Variants in FARS2 observed in about 807,000 individuals in gnomAD.
FARS2 encodes the protein phenylalanine--tRNA ligase, mitochondrial.
FARS2 carries 40 observed loss-of-function variants against 46.4 expected under a neutral mutation model. That is an observed-to-expected ratio of 0.86 (90% CI 0.67 to 1.12). The LOEUF (loss-of-function observed/expected upper bound fraction) is 1.12. Ranked by LOEUF, FARS2 falls within the 50% of genes most tolerant of loss-of-function variation. The pLI is 0.00. For synonymous variants in FARS2, 234 were observed against 214.9 expected, an observed-to-expected ratio of 1.09 and a Z score of -0.78; for missense variants, 513 against 567.9, an observed-to-expected ratio of 0.90 and a Z score of 0.98.
intron 3 of FARS2, among the ~76,000 whole-genome samples, chr6:5,429,651 A>C (rs574888469): frequency 6.6e-6 from 1 of 152,204 alleles, no homozygotes; most frequent in East Asian, 1.9e-4. Context: ...AAAGTAAAAA[A>C]AGTAGAGAAA....
intron 1 of FARS2, among the ~76,000 whole-genome samples, chr6:5,323,939 C>A (rs1410969806): frequency 6.6e-6 from 1 of 152,178 alleles, no homozygotes; most frequent in Non-Finnish European, 1.5e-5. Context: ...CCCAAGATAA[C>A]CTCCCTCCAG....
chr6:5,596,605 A>G (rs17140922), intron 5 of FARS2, among the ~76,000 whole-genome samples: 6,094 of 152,274 alleles, frequency 0.04, 437 homozygotes, highest in Admixed American at 0.17. Flanking sequence ...GCGACATTGC[A>G]TAGGATTTAT....
At chr6:5,441,973 A>G (rs1763867466) in intron 4 of FARS2, among the ~76,000 whole-genome samples, 1 of 152,106 alleles carries the variant, frequency 6.6e-6, no homozygotes, top group South Asian at 2.1e-4. Context: ...TTGGTGGTGC[A>G]CCTGTAGTCC....
intron 1 of FARS2, among the ~76,000 whole-genome samples, chr6:5,342,971 G>A (rs1310107128): frequency 6.6e-6 from 1 of 152,014 alleles, no homozygotes; most frequent in African/African-American, 2.4e-5. Flanking sequence ...CATTCGCTAG[G>A]TATACAGCTT....
At chr6:5,578,100 T>C (rs528757809) in intron 5 of FARS2, among the ~76,000 whole-genome samples, 3 of 152,284 alleles carry the variant, frequency 2.0e-5, no homozygotes, top group East Asian at 3.9e-4. Flanking sequence ...TCTTTTATTG[T>C]GTTCTCTTGC....
intron 1 of FARS2, among the ~76,000 whole-genome samples, chr6:5,351,064 G>A (rs949554573): frequency 4.6e-5 from 7 of 152,146 alleles, no homozygotes; most frequent in African/African-American, 1.7e-4. Context: ...AGCCATATGG[G>A]TGGTAGGATA....
At chr6:5,421,683 A>G (rs964928178) in intron 3 of FARS2, among the ~76,000 whole-genome samples, 1 of 152,302 alleles carries the variant, frequency 6.6e-6, no homozygotes, top group African/African-American at 2.4e-5. Context: ...AATCTCTAAA[A>G]CAGAGGCAAA....
chr6:5,465,555 C>A (rs758976257), intron 4 of FARS2, among the ~76,000 whole-genome samples: 1 of 152,098 alleles, frequency 6.6e-6, no homozygotes, highest in Non-Finnish European at 1.5e-5. Flanking sequence ...TTTTAAAGAC[C>A]CCCTGGTCTT....
At chr6:5,291,817 A>C (rs950290999) in intron 1 of FARS2, among the ~76,000 whole-genome samples, 8 of 152,314 alleles carry the variant, frequency 5.3e-5, no homozygotes, top group Non-Finnish European at 1.0e-4. Flanking sequence ...AGGTTTCTTT[A>C]TGAGTATTCA....
At chr6:5,749,467 C>G (rs1761824683) in intron 6 of FARS2, among the ~76,000 whole-genome samples, 2 of 152,184 alleles carry the variant, frequency 1.3e-5, no homozygotes, top group African/African-American at 4.8e-5. Context: ...AGAGGCCAGC[C>G]AGGGGCTTCT....
At chr6:5,635,402 G>T (rs1444295907) in intron 6 of FARS2, among the ~76,000 whole-genome samples, 4 of 151,688 alleles carry the variant, frequency 2.6e-5, no homozygotes, top group African/African-American at 4.9e-5. Context: ...AGGTCTAATT[G>T]TTTTTGATAG....
At chr6:5,467,913 T>C (rs1765602002) in intron 4 of FARS2, among the ~76,000 whole-genome samples, 1 of 152,202 alleles carries the variant, frequency 6.6e-6, no homozygotes, top group African/African-American at 2.4e-5. Flanking sequence ...TTCAAAACAT[T>C]TATTTTCTTA....
intron 6 of FARS2, among the ~76,000 whole-genome samples, chr6:5,722,252 A>G (rs900802107): frequency 2.6e-5 from 4 of 152,348 alleles, no homozygotes; most frequent in African/African-American, 7.2e-5. Context: ...TAAAGTCTTA[A>G]TAGTATGAAA....
rs539752925 is a variant in FARS2, at chr6:5,768,434, C to T, written c.1218-2857C>T. On this transcript the variant is annotated intron_variant, in intron 6 of 6. Transcript: ENST00000274680. ...ATAGGAAAACAGATTTTTCCCCATC[C>T]ATCTTCAATTGGCAATAACTTTTAG... is the stretch of plus-strand genomic sequence containing the variant. 4.6e-5 allele frequency among the ~76,000 whole-genome samples: 7 copies of T among 152,246 alleles called. No individual in the cohort carries two copies. In the South Asian group the frequency reaches 1.5e-3, roughly 32 times the overall value.
chr6:5,752,707 T>C (rs1762018639), intron 6 of FARS2, among the ~76,000 whole-genome samples: 2 of 152,130 alleles, frequency 1.3e-5, no homozygotes, highest in Non-Finnish European at 2.9e-5. Context: ...TTGGAGACTT[T>C]TAGAGCTGAG....
chr6:5,699,052 T>A (rs1181845210), intron 6 of FARS2, among the ~76,000 whole-genome samples: 3 of 152,190 alleles, frequency 2.0e-5, no homozygotes, highest in Non-Finnish European at 1.5e-5. Context: ...TGGGAAGGGC[T>A]GTATATCAAA....
In FARS2 at chr6:5,727,072, G is replaced by A. The variant is rs1002381022; in HGVS notation, c.1218-44219G>A. Among the ~76,000 whole-genome samples the A allele has an allele frequency of 3.3e-5, 5 of 152,204 alleles. No homozygotes were observed. The highest frequency in any genetic ancestry group is 5.9e-5 in the Non-Finnish European group (4 of 68,040). On this transcript the variant is annotated intron_variant, in intron 6 of 6. Transcript: ENST00000274680. This position sits in a 1 kb window ranked among gnomAD's most constrained non-coding sequence, Gnocchi z 4.1. ...AGCTTCACTTCCACCGTCTGTAAAG[G>A]AGCAATGCCTCTGCAGTACCTACCT...
chr6:5,449,127 T>C (rs1157948994), intron 4 of FARS2, among the ~76,000 whole-genome samples: 1 of 152,030 alleles, frequency 6.6e-6, no homozygotes, highest in East Asian at 1.9e-4. Context: ...GGCGGGCAGA[T>C]CACTTGAGGT....
chr6:5,664,201 T>C (rs1409597352), intron 6 of FARS2, among the ~76,000 whole-genome samples: 2 of 152,234 alleles, frequency 1.3e-5, no homozygotes, highest in Non-Finnish European at 2.9e-5. Flanking sequence ...TGGTTTCATC[T>C]CTATGCTAAT....
Sources: gnomAD v4.1 joint callset for allele counts (sites outside exome capture counted in the v4.1 genomes callset) on GRCh38, gnomAD v4.1.1 for gene constraint, Gnocchi (gnomAD v3.1) non-coding constraint, MANE v1.5 for transcripts, NCBI Gene and HGNC (gene_info 2026-07-23, HGNC 2026-07-21) for gene names.